The following COL11A2 variants were observed in gnomAD, a reference collection of about 807,000 sequenced individuals.
The protein encoded by COL11A2 is collagen type XI alpha 2 chain.
COL11A2 carries 116 observed loss-of-function variants against 273.4 expected under a neutral mutation model. That is an observed-to-expected ratio of 0.42 (90% CI 0.36 to 0.49). The LOEUF (loss-of-function observed/expected upper bound fraction) is 0.49, where lower values mean the gene tolerates loss of function less well. COL11A2 is among the 20% of genes least tolerant of loss of function. The pLI, the probability that COL11A2 is intolerant of heterozygous loss-of-function variation, is 0.00. For synonymous variants in COL11A2, 782 were observed against 864.2 expected (o/e 0.90, Z 1.67); for missense variants, 1,866 against 2,309.0 (o/e 0.81, Z 3.93).
At position 33,184,145 on chromosome 6, in the gene COL11A2, G is replaced by A. The variant is rs753417704; in HGVS notation, c.1119C>T (p.Ala373=). 15 of 1,367,062 alleles carry A rather than the reference G, an allele frequency of 1.1e-5. No homozygotes were observed. Among genetic ancestry groups the A allele is most frequent in the Middle Eastern group, 2.1e-4 (1 of 4,790 alleles). The allele number at this position is 1,367,062 out of a possible 1,614,324, so 84.7% of individuals were successfully genotyped here. The change falls in exon 8 of 66, where the codon GCC becomes GCT. Residue 373 remains alanine, a splice_region_variant and synonymous_variant. Transcript: ENST00000341947. ...ALSAETAHSG[A]AAHGPRGLKG... is the part of the protein sequence containing the mutation. ...TGAAAGAGAAGCTCCTTTCACTTAC[G>A]GCTCCTGAGTGGGCTGTCTCCGCAG...
chr6:33,192,706 T>C (rs1178331617), upstream of COL11A2, among the ~76,000 whole-genome samples: 1 of 151,838 alleles, frequency 6.6e-6, no homozygotes, highest in Non-Finnish European at 1.5e-5. Context: ...GCCCCTTCCT[T>C]TTCTAGGACC....
rs1172727822 is a variant in COL11A2 at position 33,177,832 on chromosome 6, C to T, written c.1873-126G>A. The T allele has an allele frequency of 9.5e-7, 1 of 1,057,720 alleles. No individual in the cohort carries two copies. The highest frequency in any genetic ancestry group is 1.9e-5 in the Admixed American group (1 of 51,378). 65.5% of individuals were successfully genotyped at this position (1,057,720 alleles called of 1,614,324 possible). The stretch of plus-strand genomic sequence containing the variant: ...AATCCATCCCAAACCCAAGCAAACA[C>T]AGCTGGCCCAGGCCTGCAGTGTGTG... On this transcript the variant is annotated intron_variant, in intron 21 of 65. Transcript: ENST00000341947. This position sits in a 1 kb window ranked among gnomAD's most constrained non-coding sequence, Gnocchi z 5.9.
intron 4 of COL11A2, 22 bp downstream of exon 4, chr6:33,188,340 T>A: frequency 6.2e-7 from 1 of 1,612,982 alleles, no homozygotes; most frequent in Non-Finnish European, 8.5e-7. Context: ...AAGTCAATCC[T>A]GCCTCTGATT....
chr6:33,179,100 T>C lies in COL11A2; in HGVS notation c.1584A>G (p.Thr528=). Residue 528 remains threonine, a synonymous_variant, in exon 16 of 66, where the codon ACA becomes ACG. Coordinates refer to ENST00000341947, the MANE Select transcript of COL11A2 (RefSeq NM_080680.3). The surrounding 1 kb of genome is among the most constrained non-coding windows in gnomAD (Gnocchi z 6.4). ...PQGPRGPQGL[T]GPPGKAGRRG... is the part of the protein sequence containing the mutation. ...TTCGCCCAGCCTTGCCAGGAGGGCC[T>C]GTGAGGCCCTGAGGTCCTCTGGGGC... The C allele has an allele frequency of 6.2e-7, 1 of 1,613,756 alleles. No individual in the cohort carries two copies. Among genetic ancestry groups the C allele is most frequent in the Non-Finnish European group, 8.5e-7 (1 of 1,179,778 alleles).
At chr6:33,172,983 G>A in intron 38 of COL11A2, 77 bp downstream of exon 38, 1 of 1,474,224 alleles carries the variant, frequency 6.8e-7, no homozygotes, top group Non-Finnish European at 9.4e-7. Context: ...CGGGGCAGGG[G>A]CGTGTGACCG....
Position 33,164,952 on chromosome 6 carries a change from A to G in COL11A2, c.4763T>C (p.Val1588Ala), listed in dbSNP as rs1248559401. 6.3e-7 allele frequency: 1 copy of G among 1,574,904 alleles called. No homozygotes were observed. The highest frequency in any genetic ancestry group is 8.6e-7 in the Non-Finnish European group (1 of 1,158,776). The change falls in exon 64 of 66, where the codon GTC (valine) becomes GCC (alanine). Residue 1588 changes from valine (V) to alanine (A), a missense_variant. Coordinates refer to ENST00000341947, the MANE Select transcript of COL11A2 (RefSeq NM_080680.3). The surrounding 1 kb of genome is among the most constrained non-coding windows in gnomAD (Gnocchi z 4.7). ...CCGAGCACAGCCCTGGTTGGGGTCG[A>G]CCCAGTACTCTCCTGTTGGGTGAGG... ...HPELPDGEYW[V>A]DPNQGCARDA...
Position 33,172,683 on chromosome 6 carries a change from G to A in COL11A2, c.2791-46C>T, listed in dbSNP as rs375556919. On this transcript the variant is annotated intron_variant, in intron 38 of 65. Transcript: ENST00000341947. ...TTCCTGCTCTCAGGCCCTTCATCTC[G>A]CTGTCTGCCAGAAGAGCCCACCCTG... 5.5e-5 allele frequency: 86 copies of A among 1,551,152 alleles called. No individual in the cohort carries two copies. The East Asian group carries it at 7.2e-4, about 13-fold the overall frequency.
chr6:33,189,690 C>T lies in COL11A2; in HGVS notation c.83-221G>A, dbSNP rs1473994399. The stretch of plus-strand genomic sequence containing the variant: ...GCTGGCATTCAACCCCATGACACTC[C>T]TGCCCCTGTCTCTCCTAGCATCTGC... On this transcript the variant is annotated intron_variant, in intron 1 of 65. Coordinates refer to ENST00000341947, the MANE Select transcript of COL11A2 (RefSeq NM_080680.3). The surrounding 1 kb of genome is among the most constrained non-coding windows in gnomAD (Gnocchi z 5.6). 6.6e-6 allele frequency among the ~76,000 whole-genome samples: 1 copy of T among 152,164 alleles called. No individual in the cohort carries two copies. Among genetic ancestry groups the T allele is most frequent in the Non-Finnish European group, 1.5e-5 (1 of 68,030 alleles).
chr6:33,193,029 A>C (rs1019085865), upstream of COL11A2, among the ~76,000 whole-genome samples: 2 of 152,146 alleles, frequency 1.3e-5, no homozygotes, highest in African/African-American at 4.8e-5. Flanking sequence ...ACCCACCGAC[A>C]AACACAGGAT....
rs1267407111 is a variant in COL11A2, at chr6:33,185,769, A to T, written c.808T>A (p.Ser270Thr). 7.7e-7 allele frequency: 1 copy of T among 1,291,290 alleles called. No homozygotes were observed. The highest frequency in any genetic ancestry group is 1.7e-5 in the African/African-American group (1 of 58,388). 80.0% of individuals were successfully genotyped at this position (1,291,290 alleles called of 1,614,324 possible). The change falls in exon 6 of 66, where the codon TCT becomes ACT. Residue 270 changes from serine (S) to threonine (T), a missense_variant. Coordinates refer to ENST00000341947, the MANE Select transcript of COL11A2 (RefSeq NM_080680.3). ...GGGGGCTCGTAGTCATAGTAGAGAGACTCAGTGGGCTGGGATTGGGGGGTG... is the reference window on the plus strand; with the variant it reads ...GGGGGCTCGTAGTCATAGTAGAGAGTCTCAGTGGGCTGGGATTGGGGGGTG... ...NQEPQSQPTE[S>T]LYYDYEPPYY...
rs769761476 is a variant in COL11A2 at position 33,177,616 on chromosome 6, C to T, written c.1917+46G>A. ...GCGGCCAACAGGATGCTGGCAGGGA[C>T]CTCGGGGGATAAGAATGGGGGTGGG... is the stretch of plus-strand genomic sequence containing the variant. On this transcript the variant is annotated intron_variant, in intron 22 of 65. Coordinates refer to ENST00000341947, the MANE Select transcript of COL11A2 (RefSeq NM_080680.3). This position sits in a 1 kb window ranked among gnomAD's most constrained non-coding sequence, Gnocchi z 5.9. The T allele has an allele frequency of 6.2e-7, 1 of 1,610,536 alleles. No individual in the cohort carries two copies. Among genetic ancestry groups the T allele is most frequent in the South Asian group, 1.1e-5 (1 of 91,004 alleles).
chr6:33,172,195 G>T, intron 40 of COL11A2, 92 bp from the exon 41 acceptor site: 1 of 1,584,594 alleles, frequency 6.3e-7, no homozygotes, highest in Non-Finnish European at 8.7e-7. Context: ...GATGGAAGTG[G>T]GGAGTGACAT....
Position 33,169,038 on chromosome 6 carries a change from T to C in COL11A2, c.3799-30A>G, listed in dbSNP as rs1200537634. 6.3e-7 allele frequency: 1 copy of C among 1,592,770 alleles called. No individual in the cohort carries two copies. The highest frequency in any genetic ancestry group is 2.2e-5 in the East Asian group (1 of 44,656). Reference sequence around the variant, plus strand: ...TCCAGATGGAGAATAAGAGTCAGGGTCACAGCTCCCTAAGCCCACCCAGCA... The same window carrying C: ...TCCAGATGGAGAATAAGAGTCAGGGCCACAGCTCCCTAAGCCCACCCAGCA... On this transcript the variant is annotated intron_variant, in intron 51 of 65. Transcript: ENST00000341947. The surrounding 1 kb of genome is among the most constrained non-coding windows in gnomAD (Gnocchi z 5.5).
chr6:33,167,682 T>A lies in COL11A2; in HGVS notation c.4014+117A>T. On this transcript the variant is annotated intron_variant, in intron 55 of 65. Transcript: ENST00000341947. The surrounding 1 kb of genome is among the most constrained non-coding windows in gnomAD (Gnocchi z 6.1). ...CAGGAACAAGTACAGGGAACGCCTG[T>A]CCCCATAAGGGCCCAACATGGGAGA... 1.4e-6 allele frequency: 2 copies of A among 1,476,632 alleles called. No homozygotes were observed. The highest frequency in any genetic ancestry group is 1.9e-6 in the Non-Finnish European group (2 of 1,068,666). 91.5% of individuals were successfully genotyped at this position (1,476,632 alleles called of 1,614,324 possible).
In COL11A2 at chr6:33,177,476, G is replaced by A. The variant is rs1447532770; in HGVS notation, c.1918-11C>T. On this transcript the variant is annotated splice_polypyrimidine_tract_variant and intron_variant, in intron 22 of 65. Transcript: ENST00000341947. The surrounding 1 kb of genome is among the most constrained non-coding windows in gnomAD (Gnocchi z 5.9). ...CTCTCCCTGGGGTCCCTAGAAACAG[G>A]TGACCAGGCACAGGTCAGAAGGAGA... is the stretch of plus-strand genomic sequence containing the variant. The A allele has an allele frequency of 1.2e-6, 2 of 1,612,766 alleles. No homozygotes were observed. Among genetic ancestry groups the A allele is most frequent in the African/African-American group, 2.7e-5 (2 of 74,926 alleles).
Position 33,169,233 on chromosome 6 carries a change from C to T in COL11A2, c.3798+150G>A, listed in dbSNP as rs542876833. The stretch of plus-strand genomic sequence containing the variant: ...CACTTTCTCTCCGGATCCTAGACCC[C>T]AGGCATCCCTCTGGATGCCCCATTC... On this transcript the variant is annotated intron_variant, in intron 51 of 65. Coordinates refer to ENST00000341947, the MANE Select transcript of COL11A2 (RefSeq NM_080680.3). This position sits in a 1 kb window ranked among gnomAD's most constrained non-coding sequence, Gnocchi z 5.5. 6.2e-4 allele frequency: 480 copies of T among 779,146 alleles called. 1 individual carries two copies. Among genetic ancestry groups the T allele is most frequent in the Non-Finnish European group, 9.4e-4 (443 of 473,606 alleles). The allele number at this position is 779,146 out of a possible 1,614,324, so 48.3% of individuals were successfully genotyped here. A position where few individuals can be genotyped will look rare whatever the true frequency, so the allele number is the denominator to read the frequency against.
Position 33,167,060 on chromosome 6 carries a change from TGTCA to T in COL11A2, c.4230+6_4230+9del. 6.2e-7 allele frequency: 1 copy of T among 1,613,418 alleles called. No homozygotes were observed. The highest frequency in any genetic ancestry group is 8.5e-7 in the Non-Finnish European group (1 of 1,179,974). On this transcript the variant is annotated splice_donor_region_variant and intron_variant, in intron 58 of 65. Transcript: ENST00000341947. This position sits in a 1 kb window ranked among gnomAD's most constrained non-coding sequence, Gnocchi z 6.1. ...AGAGACACCTGGCCACGTGTCTGTCTGTCACTCACCTTCTCTCCCTTGGCTCCAG... is the reference window on the plus strand; with the variant it reads ...AGAGACACCTGGCCACGTGTCTGTCTCTCACCTTCTCTCCCTTGGCTCCAG...
intron 31 of COL11A2, 126 bp from the exon 32 acceptor site, chr6:33,174,344 A>G: frequency 1.4e-6 from 2 of 1,429,750 alleles, no homozygotes; most frequent in Non-Finnish European, 1.9e-6. Flanking sequence ...CCAAGAACTA[A>G]GTGGCCTTGG....
Position 33,188,495 on chromosome 6 carries a change from C to T in COL11A2, c.473G>A (p.Gly158Asp), listed in dbSNP as rs777623782. Reference protein sequence around the residue: ...KWHRVAVAVKGQSVTLIVDCK... With the variant: ...KWHRVAVAVKDQSVTLIVDCK... ...GTCAACAATGAGGGTGACAGACTGG[C>T]CCTTCACAGCCACAGCCACACGGTG... The change falls in exon 4 of 66, where the codon GGC becomes GAC. Residue 158 changes from glycine (G) to aspartate (D), a missense_variant. Physicochemically the swap from Gly to Asp is moderately conservative, Grantham distance 94 (BLOSUM62 -1). Transcript: ENST00000341947. 1.2e-5 allele frequency: 20 copies of T among 1,613,034 alleles called. 1 individual carries two copies. The South Asian group carries it at 2.1e-4, about 17-fold the overall frequency.
Sources: allele counts gnomAD v4.1 joint callset (sites outside exome capture counted in the v4.1 genomes callset), GRCh38; gene constraint gnomAD v4.1.1; non-coding constraint Gnocchi (gnomAD v3.1); transcripts MANE v1.5; gene names NCBI Gene and HGNC (gene_info 2026-07-23, HGNC 2026-07-21).